PARD3: variants seen among roughly 807,000 people sequenced by gnomAD.
PARD3 encodes partitioning defective 3 homolog.
PARD3 carries 75 observed loss-of-function variants against 155.4 expected under a neutral mutation model. The observed-to-expected ratio is 0.48, with a 90% CI of 0.40 to 0.58. The LOEUF (loss-of-function observed/expected upper bound fraction) is 0.58, where lower values mean the gene tolerates loss of function less well. PARD3 is among the 20% of genes least tolerant of loss of function. The pLI is 0.00. For missense variants in PARD3, 1,642 were observed against 1,721.7 expected (o/e 0.95, Z 0.82); for synonymous variants, 576 against 610.5 (o/e 0.94, Z 0.83).
intron 22 of PARD3, among the ~76,000 whole-genome samples, chr10:34,151,172 AT>A (rs33965854): frequency 0.046 from 6,806 of 147,434 alleles, 453 homozygotes; most frequent in African/African-American, 0.15. Flanking sequence ...TGTAAGCTTC[AT>A]TTTTTTTTTT....
chr10:34,789,158 G>A (rs1841344350), intron 1 of PARD3, among the ~76,000 whole-genome samples: 3 of 152,200 alleles, frequency 2.0e-5, no homozygotes, highest in South Asian at 2.1e-4. Flanking sequence ...TGGGCACAGT[G>A]GCTCACGCCC....
intron 2 of PARD3, among the ~76,000 whole-genome samples, chr10:34,693,828 A>C (rs1404719291): frequency 6.6e-6 from 1 of 152,178 alleles, no homozygotes; most frequent in Non-Finnish European, 1.5e-5. Flanking sequence ...AAATAAATTA[A>C]ATTAAAACAA....
chr10:34,494,828 G>A (rs1283077617), intron 3 of PARD3, among the ~76,000 whole-genome samples: 3 of 151,970 alleles, frequency 2.0e-5, no homozygotes, highest in Non-Finnish European at 4.4e-5. Context: ...TGCCTCAATG[G>A]TTCTGCATCA....
intron 2 of PARD3, among the ~76,000 whole-genome samples, chr10:34,622,148 G>A (rs571829774): frequency 6.6e-6 from 1 of 152,016 alleles, no homozygotes; most frequent in African/African-American, 2.4e-5. Context: ...CTTAAACAGG[G>A]CAATATTACA....
At chr10:34,376,233 GA>G (rs1841223672) in intron 10 of PARD3, among the ~76,000 whole-genome samples, 1 of 152,178 alleles carries the variant, frequency 6.6e-6, no homozygotes. Context: ...AGACAAAGAT[GA>G]CAGCTATGGA....
intron 1 of PARD3, among the ~76,000 whole-genome samples, chr10:34,799,591 G>A (rs1387620816): frequency 6.6e-6 from 1 of 152,096 alleles, no homozygotes; most frequent in African/African-American, 2.4e-5. Context: ...CTTCTCCCGC[G>A]GGATCACTTA....
chr10:34,646,824 A>C (rs936402207), intron 2 of PARD3, among the ~76,000 whole-genome samples: 1 of 152,178 alleles, frequency 6.6e-6, no homozygotes, highest in African/African-American at 2.4e-5. Context: ...CCACAGGTAT[A>C]TGCCACCACC....
intron 22 of PARD3, among the ~76,000 whole-genome samples, chr10:34,207,887 G>A (rs542413895): frequency 3.4e-4 from 51 of 152,198 alleles, no homozygotes; most frequent in South Asian, 3.3e-3. Flanking sequence ...GAATGCCTCC[G>A]GTCCTTTGTC....
Position 34,664,645 on chromosome 10 carries a change from C to A in PARD3, c.222+31673G>T, listed in dbSNP as rs9943300. 6.9e-3 allele frequency among the ~76,000 whole-genome samples: 1,055 copies of A among 152,050 alleles called. 11 individuals carry two copies. Among genetic ancestry groups the A allele is most frequent in the African/African-American group, 0.025 (1,023 of 41,476 alleles). ...GGATTACAGGCATGTGCCACCACAC[C>A]CAGCTAATTTTTGTATTTTTAGTAG... On this transcript the variant is annotated intron_variant, in intron 2 of 24. Coordinates refer to ENST00000374788, the MANE Select transcript of PARD3 (RefSeq NM_001184785.2).
intron 1 of PARD3, among the ~76,000 whole-genome samples, chr10:34,755,877 G>A (rs1322696325): frequency 6.6e-6 from 1 of 152,088 alleles, no homozygotes; most frequent in Non-Finnish European, 1.5e-5. Context: ...AAGACAGGCT[G>A]TGCTTACCTG....
At chr10:34,252,792 C>T (rs12358871) in intron 22 of PARD3, among the ~76,000 whole-genome samples, 6,266 of 152,032 alleles carry the variant, frequency 0.041, 373 homozygotes, top group African/African-American at 0.13. Context: ...ATTTGTTACA[C>T]ATTTTCAAGA....
intron 1 of PARD3, among the ~76,000 whole-genome samples, chr10:34,700,996 T>C (rs538936222): frequency 1.3e-5 from 2 of 152,012 alleles, no homozygotes; most frequent in South Asian, 4.2e-4. Context: ...AAAATTTATC[T>C]GACAAAATAT....
chr10:34,604,110 A>G (rs1389989360), intron 2 of PARD3, among the ~76,000 whole-genome samples: 1 of 152,230 alleles, frequency 6.6e-6, no homozygotes, highest in East Asian at 1.9e-4. Context: ...CGAGTGAAAC[A>G]AACTGCAACC....
intron 2 of PARD3, among the ~76,000 whole-genome samples, chr10:34,605,933 A>ATATATATATCTCCTATATATATCTCTCC (rs1564406982): frequency 3.3e-5 from 2 of 61,260 alleles, no homozygotes; most frequent in African/African-American, 1.6e-4. Context: ...TATATCTCCT[A>ATATATATATCTCCTATATATATCTCTCC]TATATATATA....
At chr10:34,490,470 C>T (rs1018565002) in intron 3 of PARD3, among the ~76,000 whole-genome samples, 3 of 151,918 alleles carry the variant, frequency 2.0e-5, no homozygotes. Flanking sequence ...TATGTCAGAA[C>T]ATTTACTGGG....
At chr10:34,741,600 G>A (rs1430809089) in intron 1 of PARD3, among the ~76,000 whole-genome samples, 1 of 152,190 alleles carries the variant, frequency 6.6e-6, no homozygotes, top group African/African-American at 2.4e-5. Context: ...CTGTGCAGAG[G>A]AGCGCAGCCA....
intron 24 of PARD3, among the ~76,000 whole-genome samples, 169 bp from the exon 25 acceptor site, chr10:34,111,731 T>C (rs1465786959): frequency 6.6e-6 from 1 of 152,164 alleles, no homozygotes; most frequent in East Asian, 1.9e-4. Context: ...AAAATGACTG[T>C]CCTCAGCAAG....
At chr10:34,721,784 G>T (rs1272818612) in intron 1 of PARD3, among the ~76,000 whole-genome samples, 1 of 152,210 alleles carries the variant, frequency 6.6e-6, no homozygotes, top group Non-Finnish European at 1.5e-5. Context: ...TCTGAGTTAT[G>T]TGAAAAATAT....
At chr10:34,439,024 C>T (rs902511143) in intron 5 of PARD3, among the ~76,000 whole-genome samples, 5 of 152,132 alleles carry the variant, frequency 3.3e-5, no homozygotes, top group African/African-American at 1.2e-4. Context: ...AAACAAGAGA[C>T]ATTCACGACT....
Sources: gnomAD v4.1 joint callset for allele counts (sites outside exome capture counted in the v4.1 genomes callset) on GRCh38, gnomAD v4.1.1 for gene constraint, MANE v1.5 for transcripts, NCBI Gene and HGNC (gene_info 2026-07-23, HGNC 2026-07-21) for gene names.